PCSK6: variants seen among roughly 807,000 people sequenced by gnomAD.
PCSK6 encodes paired basic amino acid cleaving enzyme 4.
In PCSK6, 85 loss-of-function variants were observed where a neutral mutation model predicts 123.3. That is an observed-to-expected ratio of 0.69 (90% CI 0.58 to 0.83). The LOEUF (loss-of-function observed/expected upper bound fraction) is 0.83, where lower values mean the gene tolerates loss of function less well. Among genes scored for constraint, PCSK6 ranks in the 40% least tolerant of loss-of-function variants. The probability of loss-of-function intolerance (pLI) is 0.00; values close to 1 mark genes in which losing one functional copy is unlikely to be tolerated. For synonymous variants in PCSK6, 508 were observed against 516.0 expected (o/e 0.98, Z 0.21); for missense variants, 1,191 against 1,282.3 (o/e 0.93, Z 1.09).
chr15:101,370,912 G>A (rs558087513), intron 11 of PCSK6, among the ~76,000 whole-genome samples: 6 of 152,282 alleles, frequency 3.9e-5, no homozygotes, highest in Middle Eastern at 3.4e-3. Flanking sequence ...TCCTCTGGAC[G>A]ATGGCCCTGT....
rs536577773 is a variant in PCSK6 at position 101,310,054 on chromosome 15, G to T, written c.2700-2729C>A. On this transcript the variant is annotated intron_variant, in intron 20 of 21. Coordinates refer to ENST00000611716, the MANE Select transcript of PCSK6 (RefSeq NM_002570.5). ...TGGCACAGCAGCAGCGGACGGCCACGGCGTCCACCAGCATTCTGGGGCCTG... is the reference window on the plus strand; with the variant it reads ...TGGCACAGCAGCAGCGGACGGCCACTGCGTCCACCAGCATTCTGGGGCCTG... 3.3e-5 allele frequency among the ~76,000 whole-genome samples: 5 copies of T among 152,236 alleles called. No individual in the cohort carries two copies. In the East Asian group the frequency reaches 9.6e-4, roughly 29 times the overall value.
intron 1 of PCSK6, among the ~76,000 whole-genome samples, chr15:101,462,081 G>C (rs1183276029): frequency 6.6e-6 from 1 of 152,120 alleles, no homozygotes; most frequent in Non-Finnish European, 1.5e-5. Context: ...CAAATCTATG[G>C]TTTCCTATGG....
At chr15:101,448,762 G>A (rs764661850) in intron 1 of PCSK6, among the ~76,000 whole-genome samples, 5 of 152,228 alleles carry the variant, frequency 3.3e-5, no homozygotes, top group Non-Finnish European at 7.3e-5. Flanking sequence ...GCATGGTTAA[G>A]ATTGTTAGTT....
rs185749514 is a variant in PCSK6 at position 101,403,895 on chromosome 15, C to G, written c.824-5319G>C. 2.6e-5 allele frequency among the ~76,000 whole-genome samples: 4 copies of G among 152,164 alleles called. No homozygotes were observed. In the East Asian group the frequency reaches 7.7e-4, roughly 29 times the overall value. On this transcript the variant is annotated intron_variant, in intron 6 of 21. Transcript: ENST00000611716. Reference sequence around the variant, plus strand: ...CCACCACACACGGCTAATTTTTGTGCTTTTTAGTAGAAACGGGGTTTCACC... The same window carrying G: ...CCACCACACACGGCTAATTTTTGTGGTTTTTAGTAGAAACGGGGTTTCACC...
At chr15:101,478,936 T>C (rs2057799597) in intron 1 of PCSK6, among the ~76,000 whole-genome samples, 3 of 152,232 alleles carry the variant, frequency 2.0e-5, no homozygotes, top group Non-Finnish European at 4.4e-5. Context: ...CGCTTAAGGA[T>C]GATTTGCCTT....
chr15:101,430,151 A>G, intron 4 of PCSK6, 88 bp from the exon 5 acceptor site: 2 of 972,920 alleles, frequency 2.1e-6, no homozygotes, highest in Non-Finnish European at 3.3e-6. Flanking sequence ...GCAAATAGAG[A>G]AACCACACGC....
chr15:101,437,448 ACATTCTAACT>A (rs1298259371), intron 2 of PCSK6, among the ~76,000 whole-genome samples: 7 of 145,804 alleles, frequency 4.8e-5, no homozygotes, highest in African/African-American at 1.8e-4. Flanking sequence ...AAAATAAAGG[ACATTCTAACT>A]CAGCCTAGAA....
Position 101,394,137 on chromosome 15 carries a change from G to GTTTTTT in PCSK6, c.997-719_997-714dup, listed in dbSNP as rs1444048837. On this transcript the variant is annotated intron_variant, in intron 7 of 21. Transcript: ENST00000611716. ...GTGTAGGTTTTCTTTCCGTTTTTTT[G>GTTTTTT]TTTTTTGTTTTTTTTTTTTTGAGAC... 5.6e-5 allele frequency among the ~76,000 whole-genome samples: 5 copies of GTTTTTT among 89,574 alleles called. 1 individual carries two copies. The highest frequency in any genetic ancestry group is 9.1e-5 in the African/African-American group (2 of 21,996). 58.8% of individuals were successfully genotyped at this position (89,574 alleles called of 152,430 possible).
intron 6 of PCSK6, among the ~76,000 whole-genome samples, chr15:101,403,868 C>T (rs1480154004): frequency 3.3e-5 from 5 of 152,158 alleles, no homozygotes; most frequent in African/African-American, 7.2e-5. Context: ...TACAGGCGCC[C>T]GCCACCACAC....
At chr15:101,480,355 G>A (rs1478966402) in intron 1 of PCSK6, among the ~76,000 whole-genome samples, 3 of 152,258 alleles carry the variant, frequency 2.0e-5, no homozygotes, top group Non-Finnish European at 4.4e-5. Context: ...GGGCGTGGCT[G>A]CGGGGCCCTG....
chr15:101,408,014 C>A (rs1382316939), intron 6 of PCSK6, among the ~76,000 whole-genome samples: 1 of 152,200 alleles, frequency 6.6e-6, no homozygotes, highest in South Asian at 2.1e-4. Flanking sequence ...ACGGTCTCCC[C>A]GCTAGGGAAT....
chr15:101,344,635 C>T (rs1384391008), intron 13 of PCSK6, among the ~76,000 whole-genome samples: 3 of 152,074 alleles, frequency 2.0e-5, no homozygotes, highest in African/African-American at 7.2e-5. Context: ...ATATACCTGG[C>T]ACTACAGAAA....
In PCSK6 at chr15:101,398,433, T is replaced by C; in HGVS notation, c.967A>G (p.Lys323Glu). 6.2e-7 allele frequency: 1 copy of C among 1,613,186 alleles called. No homozygotes were observed. Among genetic ancestry groups the C allele is most frequent in the Non-Finnish European group, 8.5e-7 (1 of 1,179,266 alleles). Reference sequence around the variant, plus strand: ...TTAATGCCATACTCGAAAGCCTGCTTAGCCAGTCGGCCGGGCCCGTCCACC... The same window carrying C: ...TTAATGCCATACTCGAAAGCCTGCTCAGCCAGTCGGCCGGGCCCGTCCACC... Reference protein sequence around the residue: ...KTVDGPGRLAKQAFEYGIKKG... With the variant: ...KTVDGPGRLAEQAFEYGIKKG... Residue 323 changes from lysine (K) to glutamate (E), a missense_variant, in exon 7 of 22, where the codon AAG becomes GAG. Lys to Glu is a moderately conservative substitution (Grantham distance 56). Around this residue, in one of 3 missense-constraint regions of PCSK6, gnomAD observed 357 missense variants for 484.5 expected, o/e 0.74. Transcript: ENST00000611716. The surrounding 1 kb of genome is among the most constrained non-coding windows in gnomAD (Gnocchi z 4.6).
At chr15:101,432,459 C>CA (rs56385883) in intron 2 of PCSK6, among the ~76,000 whole-genome samples, 6,453 of 117,304 alleles carry the variant, frequency 0.055, 551 homozygotes, top group African/African-American at 0.17. Context: ...CCCACCTCTC[C>CA]AAAAAAAAAA....
At chr15:101,404,642 C>T (rs2042714833) in intron 6 of PCSK6, among the ~76,000 whole-genome samples, 1 of 152,206 alleles carries the variant, frequency 6.6e-6, no homozygotes, top group Non-Finnish European at 1.5e-5. Flanking sequence ...GCCATGGTCT[C>T]AACCTCTCTA....
chr15:101,308,259 T>C (rs576428172), intron 20 of PCSK6: 3 of 152,466 alleles, frequency 2.0e-5, no homozygotes, highest in South Asian at 2.1e-4. Flanking sequence ...CACCTCCCCA[T>C]TGTTGCCAGT....
chr15:101,317,005 G>A (rs1041845903), intron 19 of PCSK6, among the ~76,000 whole-genome samples: 28 of 142,704 alleles, frequency 2.0e-4, no homozygotes, highest in Non-Finnish European at 7.5e-5. Flanking sequence ...TCCACCTCCC[G>A]GTTTCAAGCA....
intron 1 of PCSK6, among the ~76,000 whole-genome samples, chr15:101,462,437 A>G (rs2057360611): frequency 6.6e-6 from 1 of 152,236 alleles, no homozygotes; most frequent in Admixed American, 6.5e-5. Flanking sequence ...GTTGATTCAA[A>G]GTTAATATGA....
intron 13 of PCSK6, among the ~76,000 whole-genome samples, chr15:101,356,272 C>T (rs371502100): frequency 4.1e-4 from 62 of 152,252 alleles, no homozygotes; most frequent in African/African-American, 1.5e-3. Context: ...GCAAGCTCAC[C>T]CACGGTGGAA....
Sources: gnomAD v4.1 joint callset for allele counts (sites outside exome capture counted in the v4.1 genomes callset) on GRCh38, gnomAD v4.1.1 for gene constraint, gnomAD v4.1.1 regional missense constraint, Gnocchi (gnomAD v3.1) non-coding constraint, MANE v1.5 for transcripts, NCBI Gene and HGNC (gene_info 2026-07-23, HGNC 2026-07-21) for gene names.